The following RELN variants were observed in gnomAD, a reference collection of about 807,000 sequenced individuals.
RELN encodes the protein reelin.
Under a neutral mutation model 427.6 loss-of-function variants are expected in RELN, and 108 were observed. The ratio of observed to expected loss-of-function variants is 0.25; its 90% CI spans 0.22 to 0.30. The LOEUF (loss-of-function observed/expected upper bound fraction) is 0.30, where lower values mean the gene tolerates loss of function less well. Ranked by LOEUF, RELN falls within the 10% of genes least tolerant of loss-of-function variation. The probability of loss-of-function intolerance (pLI) is 1.00; values close to 1 mark genes in which losing one functional copy is unlikely to be tolerated. For missense variants in RELN, 3,715 were observed against 4,302.8 expected, an observed-to-expected ratio of 0.86 and a Z score of 3.82; for synonymous variants, 1,524 against 1,513.4, an observed-to-expected ratio of 1.01 and a Z score of -0.16.
rs1792737179 is a variant in RELN, at chr7:103,811,269, C to G, written c.473+22268G>C. On this transcript the variant is annotated intron_variant, in intron 3 of 64. Transcript: ENST00000428762. ...CTAAATAAAAATAAATTGCCTGTAT[C>G]TGAAAAATGGCAAAGTGTAGAGCAA... 2.0e-5 allele frequency among the ~76,000 whole-genome samples: 3 copies of G among 152,090 alleles called. No homozygotes were observed. In the South Asian group the frequency reaches 6.2e-4, roughly 31 times the overall value.
intron 2 of RELN, among the ~76,000 whole-genome samples, chr7:103,910,382 T>C (rs1795337424): frequency 6.6e-6 from 1 of 150,786 alleles, no homozygotes; most frequent in Non-Finnish European, 1.5e-5. Context: ...ATTTCCTCTT[T>C]TCCTAATTGA....
At chr7:103,737,637 T>C (rs922107077) in intron 6 of RELN, among the ~76,000 whole-genome samples, 10 of 152,224 alleles carry the variant, frequency 6.6e-5, no homozygotes, top group African/African-American at 1.9e-4. Context: ...GACAATTATG[T>C]TTCTCAAAGG....
In RELN at chr7:103,682,123, G is replaced by T. The variant is rs1324238652; in HGVS notation, c.1282C>A (p.Pro428Thr). 6.2e-7 allele frequency: 1 copy of T among 1,613,720 alleles called. No homozygotes were observed. Among genetic ancestry groups the T allele is most frequent in the Admixed American group, 1.7e-5 (1 of 60,020 alleles). Residue 428 changes from proline to threonine, a missense_variant, in exon 11 of 65, where the codon CCT becomes ACT. Physicochemically the swap from Pro to Thr is conservative, Grantham distance 38. Around this residue, in one of 4 missense-constraint regions of RELN, gnomAD observed 2,208 missense variants for 2,361.7 expected, o/e 0.93. Coordinates refer to ENST00000428762, the MANE Select transcript of RELN (RefSeq NM_005045.4). ...GAGATAGCAATTACTTACCCTGTAG[G>T]CTGGCTCTCAAATTCTTCTGACCAT... The part of the protein sequence containing the change: ...EQWSEEFESQ[P>T]TGWDVLGAVI...
At chr7:103,672,015 G>A (rs1205947677) in intron 11 of RELN, among the ~76,000 whole-genome samples, 3 of 151,934 alleles carry the variant, frequency 2.0e-5, no homozygotes, top group Non-Finnish European at 4.4e-5. Flanking sequence ...CTAAATCAGA[G>A]GTAACAATTC....
chr7:103,867,007 A>G (rs776624672), intron 2 of RELN, among the ~76,000 whole-genome samples: 41 of 152,116 alleles, frequency 2.7e-4, no homozygotes, highest in Non-Finnish European at 5.4e-4. Context: ...GATATGTAAA[A>G]TGTAGCTGTA....
intron 46 of RELN, among the ~76,000 whole-genome samples, chr7:103,526,987 C>A (rs1445317372): frequency 6.6e-6 from 1 of 152,156 alleles, no homozygotes; most frequent in African/African-American, 2.4e-5. Flanking sequence ...TATACCATTT[C>A]TTTCCCATCT....
intron 4 of RELN, among the ~76,000 whole-genome samples, chr7:103,769,627 C>A (rs1041864162): frequency 1.3e-5 from 2 of 152,208 alleles, no homozygotes; most frequent in South Asian, 4.1e-4. Flanking sequence ...ATCATGCCCA[C>A]TAGCATTCTC....
chr7:103,783,839 T>C (rs777349196), intron 3 of RELN, among the ~76,000 whole-genome samples: 8 of 152,306 alleles, frequency 5.3e-5, no homozygotes, highest in Admixed American at 4.6e-4. Context: ...TGTTCATCCA[T>C]GGTATTGTAA....
chr7:103,491,856 TCACACACACACACACACACACACACA>T (rs71110838), intron 58 of RELN, 71 bp downstream of exon 58: 2 of 284,944 alleles, frequency 7.0e-6, no homozygotes, highest in Non-Finnish European at 1.3e-5. Flanking sequence ...TCTCTCTCTC[TCACACACACACACACACACACACACA>T]CACACACACA....
At chr7:103,728,291 T>G in intron 6 of RELN, 84 bp from the exon 7 acceptor site, 1 of 1,266,588 alleles carries the variant, frequency 7.9e-7, no homozygotes, top group Non-Finnish European at 1.1e-6. Flanking sequence ...GATATAATAT[T>G]TATTGTTACT....
intron 4 of RELN, among the ~76,000 whole-genome samples, chr7:103,757,283 C>T (rs957289382): frequency 6.6e-6 from 1 of 152,130 alleles, no homozygotes; most frequent in Non-Finnish European, 1.5e-5. Flanking sequence ...AAGTGCTTAC[C>T]CAATGACATA....
intron 2 of RELN, among the ~76,000 whole-genome samples, chr7:103,877,572 C>T (rs1389438403): frequency 6.6e-6 from 1 of 152,174 alleles, no homozygotes; most frequent in Non-Finnish European, 1.5e-5. Context: ...CTCTTCCATT[C>T]CTGACCTTCT....
intron 2 of RELN, among the ~76,000 whole-genome samples, chr7:103,843,011 T>G (rs1793590813): frequency 6.6e-6 from 1 of 152,172 alleles, no homozygotes; most frequent in Admixed American, 6.5e-5. Flanking sequence ...GTTTAGAACC[T>G]TGCTCACTGC....
chr7:103,491,390 TTAAAA>T (rs1828644716), intron 58 of RELN, among the ~76,000 whole-genome samples: 1 of 152,174 alleles, frequency 6.6e-6, no homozygotes, highest in African/African-American at 2.4e-5. Flanking sequence ...TTGATAAAAT[TTAAAA>T]TATAAAGTTT....
Position 103,966,362 on chromosome 7 carries a change from G to C in RELN, c.226+22769C>G, listed in dbSNP as rs569986835. On this transcript the variant is annotated intron_variant, in intron 1 of 64. Coordinates refer to ENST00000428762, the MANE Select transcript of RELN (RefSeq NM_005045.4). The stretch of plus-strand genomic sequence containing the variant: ...ACACTCACCCAGACCGAAACAATTA[G>C]ATACATGGATGAACCTAATGTGCAC... Among the ~76,000 whole-genome samples, 9 of 152,264 alleles carry C rather than the reference G, an allele frequency of 5.9e-5. No individual in the cohort carries two copies. In the South Asian group the frequency reaches 1.9e-3, roughly 32 times the overall value.
In RELN at chr7:103,739,009, T is replaced by A. The variant is rs562856096; in HGVS notation, c.656+10417A>T. Among the ~76,000 whole-genome samples the A allele has an allele frequency of 8.5e-4, 130 of 152,268 alleles. 1 individual carries two copies. Among genetic ancestry groups the A allele is most frequent in the African/African-American group, 3.0e-3 (126 of 41,554 alleles). ...CATCTTTTCATTCAACTTAAAATTT[T>A]TGAGATTCATCCATGTTGTTGCGAC... On this transcript the variant is annotated intron_variant, in intron 6 of 64. Transcript: ENST00000428762.
At chr7:103,613,874 A>C (rs1272195410) in intron 20 of RELN, among the ~76,000 whole-genome samples, 4 of 152,234 alleles carry the variant, frequency 2.6e-5, no homozygotes, top group African/African-American at 9.6e-5. Context: ...TTATTTTTAC[A>C]ATCAGCATCT....
chr7:103,949,429 G>A (rs1379710820), intron 1 of RELN, among the ~76,000 whole-genome samples: 1 of 151,974 alleles, frequency 6.6e-6, no homozygotes, highest in Non-Finnish European at 1.5e-5. Context: ...ATTTAGAGGT[G>A]GGGACTTTGG....
At chr7:103,661,253 A>C in intron 12 of RELN, 123 bp downstream of exon 12, 28 of 1,039,322 alleles carry the variant, frequency 2.7e-5, no homozygotes, top group Non-Finnish European at 3.6e-5. Context: ...CTCTGTCTGG[A>C]GAGCTCACGT....
Sources: gnomAD v4.1 joint callset for allele counts (sites outside exome capture counted in the v4.1 genomes callset) on GRCh38, gnomAD v4.1.1 for gene constraint, gnomAD v4.1.1 regional missense constraint, MANE v1.5 for transcripts, NCBI Gene and HGNC (gene_info 2026-07-23, HGNC 2026-07-21) for gene names.